The following FSTL4 variants were observed in gnomAD, a reference collection of about 807,000 sequenced individuals.
The protein encoded by FSTL4 is follistatin-related protein 4.
In FSTL4, 28 loss-of-function variants were observed where a neutral mutation model predicts 78.2. The ratio of observed to expected loss-of-function variants is 0.36; its 90% CI spans 0.27 to 0.49. The LOEUF (loss-of-function observed/expected upper bound fraction) is 0.49, where lower values mean the gene tolerates loss of function less well. Among genes scored for constraint, FSTL4 ranks in the 20% least tolerant of loss-of-function variants. The pLI, the probability that FSTL4 is intolerant of heterozygous loss-of-function variation, is 0.98. For missense variants in FSTL4, 922 were observed against 1,084.9 expected, an observed-to-expected ratio of 0.85 and a Z score of 2.11; for synonymous variants, 422 against 440.5, an observed-to-expected ratio of 0.96 and a Z score of 0.53.
chr5:133,791,840 T>G, the FSTL4 span, among the ~76,000 whole-genome samples: 1 of 152,246 alleles, frequency 6.6e-6, no homozygotes, highest in Non-Finnish European at 1.5e-5. Flanking sequence ...GCCTTTCCTC[T>G]AGCCATCTTC....
At chr5:133,838,846 T>C in the FSTL4 span, among the ~76,000 whole-genome samples, 1 of 152,142 alleles carries the variant, frequency 6.6e-6, no homozygotes, top group African/African-American at 2.4e-5. Flanking sequence ...GGAAGAAACA[T>C]AAAAGCCACC....
At position 133,454,795 on chromosome 5, in the gene FSTL4, T is replaced by C. The variant is rs912853998; in HGVS notation, c.161-53809A>G. Among the ~76,000 whole-genome samples the C allele has an allele frequency of 2.0e-5, 3 of 152,294 alleles. No homozygotes were observed. The East Asian group carries it at 5.8e-4, about 29-fold the overall frequency. On this transcript the variant is annotated intron_variant, in intron 3 of 15. Transcript: ENST00000265342. Reference sequence around the variant, plus strand: ...TCTGGGGCTTGAAGGCTCTTTTTCTTTTCTGTGGGGGGTGGTCCCTCAGCA... The same window carrying C: ...TCTGGGGCTTGAAGGCTCTTTTTCTCTTCTGTGGGGGGTGGTCCCTCAGCA...
Position 133,221,891 on chromosome 5 carries a change from G to GTTTTTTTTTTTT in FSTL4, c.1340-1037_1340-1026dup, listed in dbSNP as rs59400068. On this transcript the variant is annotated intron_variant, in intron 11 of 15. Coordinates refer to ENST00000265342, the MANE Select transcript of FSTL4 (RefSeq NM_015082.2). ...AATATGTAGAAAAATCTCTTTTCTA[G>GTTTTTTTTTTTT]TTTTTTTTTTTTTTTTTTTTTTTTT... 7.4e-4 allele frequency among the ~76,000 whole-genome samples: 32 copies of GTTTTTTTTTTTT among 43,352 alleles called. 5 individuals are homozygous for GTTTTTTTTTTTT. The highest frequency in any genetic ancestry group is 1.6e-3 in the Non-Finnish European group (26 of 16,678). 28.4% of individuals were successfully genotyped at this position (43,352 alleles called of 152,430 possible). A position where few individuals can be genotyped will look rare whatever the true frequency, so the allele number is the denominator to read the frequency against.
the FSTL4 span, among the ~76,000 whole-genome samples, chr5:133,680,470 G>A: frequency 1.3e-5 from 2 of 152,106 alleles, no homozygotes; most frequent in African/African-American, 2.4e-5. Context: ...CCACATGACC[G>A]AAAGTAAGCA....
chr5:133,696,995 T>G, the FSTL4 span, among the ~76,000 whole-genome samples: 1 of 152,168 alleles, frequency 6.6e-6, no homozygotes, highest in Non-Finnish European at 1.5e-5. Context: ...GACCAGACAA[T>G]GCAGCTACCT....
intron 3 of FSTL4, among the ~76,000 whole-genome samples, chr5:133,467,002 GTA>G (rs1757724003): frequency 6.6e-6 from 1 of 151,936 alleles, no homozygotes; most frequent in African/African-American, 2.4e-5. Flanking sequence ...ATGTGACAGT[GTA>G]TGAGTGTGTG....
intron 3 of FSTL4, among the ~76,000 whole-genome samples, chr5:133,451,244 G>T (rs1757377536): frequency 6.6e-6 from 1 of 152,122 alleles, no homozygotes; most frequent in South Asian, 2.1e-4. Context: ...CCTTCTGAGG[G>T]CCTGCTGTTT....
At chr5:133,720,353 A>G in the FSTL4 span, 12,829 of 152,252 alleles carry the variant, frequency 0.084, 569 homozygotes, top group Middle Eastern at 0.15. Flanking sequence ...TCTGAGGTGG[A>G]CTTTGCTTGA....
chr5:133,245,086 C>T (rs1482224635), intron 7 of FSTL4, among the ~76,000 whole-genome samples: 2 of 148,524 alleles, frequency 1.3e-5, no homozygotes, highest in African/African-American at 2.5e-5. Flanking sequence ...TGCCACTGTG[C>T]TCCAGTCTGG....
chr5:133,609,791 C>G (rs1397916157), intron 1 of FSTL4, among the ~76,000 whole-genome samples: 1 of 152,240 alleles, frequency 6.6e-6, no homozygotes, highest in Non-Finnish European at 1.5e-5. Context: ...TAACCTTTAT[C>G]CTTACAACCT....
At chr5:133,674,665 T>G in the FSTL4 span, among the ~76,000 whole-genome samples, 1 of 151,946 alleles carries the variant, frequency 6.6e-6, no homozygotes, top group Non-Finnish European at 1.5e-5. Flanking sequence ...AGAGCGACCT[T>G]TTTTGGTTCT....
chr5:133,806,384 A>G, the FSTL4 span, among the ~76,000 whole-genome samples: 1 of 152,236 alleles, frequency 6.6e-6, no homozygotes, highest in East Asian at 1.9e-4. Flanking sequence ...AGGTGCTCAT[A>G]GGTAAATTTC....
At chr5:133,337,846 T>C (rs939346711) in intron 4 of FSTL4, among the ~76,000 whole-genome samples, 1 of 152,190 alleles carries the variant, frequency 6.6e-6, no homozygotes, top group African/African-American at 2.4e-5. Context: ...GTGAGCCAAC[T>C]CAGTGGAGTT....
chr5:133,290,923 G>A lies in FSTL4; in HGVS notation c.727+21731C>T, dbSNP rs377014683. Among the ~76,000 whole-genome samples the A allele has an allele frequency of 1.1e-4, 17 of 152,348 alleles. No homozygotes were observed. The East Asian group carries it at 2.7e-3, about 24-fold the overall frequency. On this transcript the variant is annotated intron_variant, in intron 6 of 15. Coordinates refer to ENST00000265342, the MANE Select transcript of FSTL4 (RefSeq NM_015082.2). The stretch of plus-strand genomic sequence containing the variant: ...ATGCTGGCCAGCCCGTCAGGGAGGA[G>A]ATCGAGCCCAGTGAGTCCGCAGTGC...
At chr5:133,448,364 A>AG (rs1322622791) in intron 3 of FSTL4, among the ~76,000 whole-genome samples, 1 of 152,196 alleles carries the variant, frequency 6.6e-6, no homozygotes, top group Admixed American at 6.5e-5. Flanking sequence ...GGAGAGAAAC[A>AG]GGGGGGCCCC....
At chr5:133,277,185 G>A (rs1752902753) in intron 6 of FSTL4, among the ~76,000 whole-genome samples, 1 of 152,098 alleles carries the variant, frequency 6.6e-6, no homozygotes, top group Admixed American at 6.5e-5. Flanking sequence ...GTGTGGCGGT[G>A]TGCCCCTGTA....
At chr5:133,489,123 C>A (rs1758204649) in intron 3 of FSTL4, among the ~76,000 whole-genome samples, 1 of 152,308 alleles carries the variant, frequency 6.6e-6, no homozygotes, top group South Asian at 2.1e-4. Context: ...CCAGAAGCAT[C>A]CAAAATTCTT....
At chr5:133,311,608 G>A (rs1449225715) in intron 6 of FSTL4, among the ~76,000 whole-genome samples, 1 of 152,194 alleles carries the variant, frequency 6.6e-6, no homozygotes, top group African/African-American at 2.4e-5. Context: ...AATAGCAACA[G>A]CCCAAAGAGA....
chr5:133,390,515 A>C (rs1389972999), intron 4 of FSTL4, among the ~76,000 whole-genome samples: 2 of 152,234 alleles, frequency 1.3e-5, no homozygotes, highest in Admixed American at 1.3e-4. Flanking sequence ...GCTCACCTAC[A>C]ATCAGGAAGC....
Sources: gnomAD v4.1 joint callset for allele counts (sites outside exome capture counted in the v4.1 genomes callset) on GRCh38, gnomAD v4.1.1 for gene constraint, MANE v1.5 for transcripts, NCBI Gene and HGNC (gene_info 2026-07-23, HGNC 2026-07-21) for gene names.